FGF14: variants seen among roughly 807,000 people sequenced by gnomAD.
FGF14 encodes the protein fibroblast growth factor homologous factor 4.
A neutral mutation model predicts 25.5 loss-of-function variants in FGF14; 5 were observed. That is an observed-to-expected ratio of 0.20 (90% CI 0.10 to 0.41). The LOEUF is 0.41. Among genes scored for constraint, FGF14 ranks in the 10% least tolerant of loss-of-function variants. The probability of loss-of-function intolerance (pLI) is 1.00; values close to 1 mark genes in which losing one functional copy is unlikely to be tolerated. For missense variants in FGF14, 222 were observed against 320.1 expected (o/e 0.69, Z 2.34); for synonymous variants, 138 against 118.3 (o/e 1.17, Z -1.08).
intron 1 of FGF14, among the ~76,000 whole-genome samples, chr13:101,880,200 C>A (rs989577838): frequency 6.6e-6 from 1 of 152,124 alleles, no homozygotes; most frequent in African/African-American, 2.4e-5. Context: ...CTTCCACAGG[C>A]TAGAATAGCT....
intron 1 of FGF14, among the ~76,000 whole-genome samples, chr13:101,905,030 G>C (rs766974808): frequency 1.1e-4 from 16 of 152,152 alleles, no homozygotes; most frequent in Non-Finnish European, 1.8e-4. Context: ...ACTCCAAAAG[G>C]AAAGTCTAAG....
intron 1 of FGF14, among the ~76,000 whole-genome samples, chr13:102,187,803 C>G (rs957229354): frequency 6.6e-6 from 1 of 152,186 alleles, no homozygotes; most frequent in Non-Finnish European, 1.5e-5. Context: ...ACATTTAAGA[C>G]TAGGCCCTTT....
At chr13:102,208,275 C>T (rs1486418622) in intron 1 of FGF14, among the ~76,000 whole-genome samples, 1 of 152,152 alleles carries the variant, frequency 6.6e-6, no homozygotes, top group Non-Finnish European at 1.5e-5. Flanking sequence ...TGCTAAGACA[C>T]ACATCAAGTA....
Position 101,916,759 on chromosome 13 carries a change from G to A in FGF14, c.-114C>T. The A allele has an allele frequency of 1.1e-6, 1 of 897,516 alleles. No homozygotes were observed. The highest frequency in any genetic ancestry group is 1.6e-6 in the Non-Finnish European group (1 of 613,046). 55.6% of individuals were successfully genotyped at this position (897,516 alleles called of 1,614,324 possible). A position where few individuals can be genotyped will look rare whatever the true frequency, so the allele number is the denominator to read the frequency against. On this transcript the variant is annotated 5_prime_UTR_variant, in exon 1 of 5. Coordinates refer to ENST00000376143, the MANE Select transcript of FGF14 (RefSeq NM_004115.4). ...GGCTCGCCCTCGGGGCAGAGGAGGG[G>A]GTGCCAGGCGGGACTGGGGAGAGGG...
At chr13:102,116,483 C>T (rs491234) in intron 1 of FGF14, among the ~76,000 whole-genome samples, 80,856 of 151,824 alleles carry the variant, frequency 0.53, 22,912 homozygotes, top group East Asian at 0.75. Flanking sequence ...GTTATTCTTC[C>T]ACAAAGAAAA....
At chr13:102,255,300 A>C (rs913386319) in intron 1 of FGF14, among the ~76,000 whole-genome samples, 1 of 152,250 alleles carries the variant, frequency 6.6e-6, no homozygotes. Flanking sequence ...TATCAAGTAC[A>C]GTGATAGGAA....
chr13:101,902,320 TC>T (rs2138995064), intron 1 of FGF14, among the ~76,000 whole-genome samples: 2 of 152,314 alleles, frequency 1.3e-5, no homozygotes, highest in East Asian at 3.9e-4. Context: ...TCTTGGCTTT[TC>T]TTGTGTCTAT....
intron 3 of FGF14, among the ~76,000 whole-genome samples, chr13:101,748,115 G>C (rs1464768113): frequency 1.3e-5 from 2 of 151,560 alleles, no homozygotes; most frequent in Non-Finnish European, 2.9e-5. Flanking sequence ...CCCACTACTG[G>C]GTCTATATCC....
At chr13:102,218,060 C>T (rs753936179) in intron 1 of FGF14, among the ~76,000 whole-genome samples, 10 of 152,248 alleles carry the variant, frequency 6.6e-5, no homozygotes, top group Middle Eastern at 3.4e-3. Flanking sequence ...CTCTTGTATT[C>T]GTGTGCTCCA....
intron 1 of FGF14, among the ~76,000 whole-genome samples, chr13:101,971,184 T>C (rs1328378054): frequency 1.3e-5 from 2 of 152,156 alleles, no homozygotes; most frequent in Admixed American, 6.5e-5. Context: ...AGTTACTTAA[T>C]AGGGGATACA....
chr13:102,069,343 G>A (rs1368298200), intron 1 of FGF14, among the ~76,000 whole-genome samples: 3 of 152,092 alleles, frequency 2.0e-5, no homozygotes, highest in Admixed American at 6.6e-5. Context: ...GTCAAAAAAG[G>A]CCACTCGGCT....
chr13:101,782,614 T>G (rs1459502134), intron 3 of FGF14, among the ~76,000 whole-genome samples: 1 of 152,212 alleles, frequency 6.6e-6, no homozygotes, highest in African/African-American at 2.4e-5. Flanking sequence ...ATTTGGCAAC[T>G]ACTTAATAAG....
intron 1 of FGF14, among the ~76,000 whole-genome samples, chr13:102,033,263 G>T (rs2041301707): frequency 6.6e-6 from 1 of 151,912 alleles, no homozygotes; most frequent in African/African-American, 2.4e-5. Flanking sequence ...GTGACAAACA[G>T]TAACAAAGCC....
At chr13:101,910,328 A>G (rs1225926835) in intron 1 of FGF14, among the ~76,000 whole-genome samples, 1 of 152,210 alleles carries the variant, frequency 6.6e-6, no homozygotes, top group Non-Finnish European at 1.5e-5. Context: ...GCGTTCATTT[A>G]TCTCAATTGT....
chr13:101,933,160 T>C (rs1015055525), intron 1 of FGF14, among the ~76,000 whole-genome samples: 1 of 152,234 alleles, frequency 6.6e-6, no homozygotes, highest in South Asian at 2.1e-4. Context: ...AGTTTAACTA[T>C]TTTTATCCGT....
At chr13:102,262,063 G>A (rs1382806704) in intron 1 of FGF14, among the ~76,000 whole-genome samples, 1 of 152,190 alleles carries the variant, frequency 6.6e-6, no homozygotes, top group African/African-American at 2.4e-5. Context: ...AAATTCCACT[G>A]AGCAAACAGA....
chr13:101,851,776 T>A (rs765100610), intron 3 of FGF14, among the ~76,000 whole-genome samples: 1 of 152,114 alleles, frequency 6.6e-6, no homozygotes, highest in Non-Finnish European at 1.5e-5. Flanking sequence ...ATAGTCACAA[T>A]TGAAAAGCCA....
At chr13:102,201,512 T>G (rs1170909062) in intron 1 of FGF14, among the ~76,000 whole-genome samples, 1 of 152,174 alleles carries the variant, frequency 6.6e-6, no homozygotes, top group Non-Finnish European at 1.5e-5. Flanking sequence ...ATTCACAAAT[T>G]TAATTCTTCT....
chr13:101,949,308 G>A (rs867971875), intron 1 of FGF14, among the ~76,000 whole-genome samples: 6 of 152,066 alleles, frequency 3.9e-5, no homozygotes, highest in Admixed American at 6.6e-5. Flanking sequence ...TGCGATCACT[G>A]CCCAGTGTGG....
Sources: allele counts gnomAD v4.1 joint callset (sites outside exome capture counted in the v4.1 genomes callset), GRCh38; gene constraint gnomAD v4.1.1; transcripts MANE v1.5; gene names NCBI Gene and HGNC (gene_info 2026-07-23, HGNC 2026-07-21).